Variants in ZNF827 observed in about 807,000 individuals in gnomAD.
ZNF827 encodes zinc finger protein 827.
ZNF827 carries 13 observed loss-of-function variants against 102.4 expected under a neutral mutation model. The observed-to-expected ratio is 0.13, with a 90% confidence interval of 0.08 to 0.20. ZNF827 has a LOEUF of 0.20. ZNF827 is among the 10% of genes least tolerant of loss of function. The pLI is 1.00. For missense variants in ZNF827, 1,103 were observed against 1,344.4 expected, an observed-to-expected ratio of 0.82 and a Z score of 2.81; for synonymous variants, 523 against 536.2, an observed-to-expected ratio of 0.98 and a Z score of 0.34.
chr4:145,921,778 A>G (rs970066570), intron 1 of ZNF827, among the ~76,000 whole-genome samples: 1 of 152,146 alleles, frequency 6.6e-6, no homozygotes. Context: ...AAGACTGGAA[A>G]TCTTAGTCAT....
rs1735177580 is a variant in ZNF827 at position 145,765,669 on chromosome 4, G to A, written c.2930C>T (p.Ser977Leu). ...ATCTGAATCATCTTTGCTGTTGGCT[G>A]AATCACTCAGAGCTGAGAGGGAGGA... ...SSSSLSALSD[S>L]ANSKDDSDGS... The change falls in exon 12 of 15, where the codon TCA becomes TTA. Residue 977 changes from serine to leucine, a missense_variant. This residue lies in a region of ZNF827 where 242 missense variants were observed against 361.9 expected (regional missense o/e 0.67). Coordinates refer to ENST00000508784, the MANE Select transcript of ZNF827 (RefSeq NM_001306215.2). This position sits in a 1 kb window ranked among gnomAD's most constrained non-coding sequence, Gnocchi z 4.7. 4 of 1,614,062 alleles carry A rather than the reference G, an allele frequency of 2.5e-6. No individual in the cohort carries two copies. The highest frequency in any genetic ancestry group is 4.5e-5 in the East Asian group (2 of 44,888).
chr4:145,894,842 A>G (rs2126860043), intron 2 of ZNF827, among the ~76,000 whole-genome samples: 1 of 152,190 alleles, frequency 6.6e-6, no homozygotes, highest in Non-Finnish European at 1.5e-5. Context: ...TCCTATCTGT[A>G]ATTATGTCTC....
At chr4:145,801,272 G>A (rs900005825) in intron 8 of ZNF827, among the ~76,000 whole-genome samples, 3 of 152,076 alleles carry the variant, frequency 2.0e-5, no homozygotes, top group Admixed American at 6.6e-5. Context: ...TTCCAATTCC[G>A]TTAGCAGTTG....
rs1232401748 is a variant in ZNF827, at chr4:145,856,720, CA to C, written c.1982-7160del. 6.6e-4 allele frequency among the ~76,000 whole-genome samples: 91 copies of C among 138,656 alleles called. No homozygotes were observed. In the Middle Eastern group the frequency reaches 0.013, roughly 20 times the overall value. 91.0% of individuals were successfully genotyped at this position (138,656 alleles called of 152,430 possible). ...ACACACACACACACACACACACACACACACCCCATTTCACTCAGAATAGTGC... is the reference window on the plus strand; with the variant it reads ...ACACACACACACACACACACACACACCACCCCATTTCACTCAGAATAGTGC... On this transcript the variant is annotated intron_variant, in intron 5 of 14. Transcript: ENST00000508784.
chr4:145,938,246 C>A, intron 1 of ZNF827, 119 bp downstream of exon 1: 1 of 1,245,122 alleles, frequency 8.0e-7, no homozygotes. Flanking sequence ...GTGTCTTTGT[C>A]AGTTTCACCT....
chr4:145,881,417 C>T (rs909362089), intron 4 of ZNF827, among the ~76,000 whole-genome samples: 3 of 152,168 alleles, frequency 2.0e-5, no homozygotes, highest in African/African-American at 7.2e-5. Flanking sequence ...GTTGAAATGA[C>T]ATATCTTTTA....
intron 7 of ZNF827, among the ~76,000 whole-genome samples, chr4:145,824,564 G>A (rs1743474582): frequency 6.6e-6 from 1 of 152,130 alleles, no homozygotes; most frequent in Admixed American, 6.5e-5. Flanking sequence ...CATGGGAGCC[G>A]AAGCACCAGA....
intron 8 of ZNF827, among the ~76,000 whole-genome samples, chr4:145,781,195 C>CAAAAAAAAAAAAAAAAAAAAGAAAAAA (rs1737946510): frequency 1.8e-5 from 1 of 56,546 alleles, no homozygotes; most frequent in Non-Finnish European, 2.8e-5. Flanking sequence ...GACACCATCT[C>CAAAAAAAAAAAAAAAAAAAAGAAAAAA]AAAAAAAAAA....
At chr4:145,870,141 C>A (rs535246529) in intron 5 of ZNF827, 104 bp downstream of exon 5, 12 of 1,060,490 alleles carry the variant, frequency 1.1e-5, no homozygotes, top group African/African-American at 3.2e-5. Flanking sequence ...AGCAATAATG[C>A]GATATTGCTG....
rs1163004571 is a variant in ZNF827, at chr4:145,758,872, A to T, written c.*2744T>A. 1 of 152,400 alleles carries T rather than the reference A, an allele frequency of 6.6e-6. No homozygotes were observed. Among genetic ancestry groups the T allele is most frequent in the African/African-American group, 2.4e-5 (1 of 41,460 alleles). 9.4% of individuals were successfully genotyped at this position (152,400 alleles called of 1,614,324 possible). ...CAAAGGGAGGTGTAGCACACCTACT[A>T]GGTGTGGGGAAGAGGGGCTGGCGTG... On this transcript the variant is annotated 3_prime_UTR_variant, in exon 15 of 15. Transcript: ENST00000508784.
intron 9 of ZNF827, among the ~76,000 whole-genome samples, chr4:145,776,324 GGTGGCACGTGCCTGTAGTCCC>G (rs1737076301): frequency 6.6e-6 from 1 of 152,004 alleles, no homozygotes; most frequent in South Asian, 2.1e-4. Context: ...AGTCAGGTGT[GGTGGCACGTGCCTGTAGTCCC>G]AGCTACTTGG....
intron 8 of ZNF827, among the ~76,000 whole-genome samples, chr4:145,787,261 G>A (rs953567774): frequency 4.6e-5 from 7 of 151,970 alleles, no homozygotes; most frequent in South Asian, 4.2e-4. Flanking sequence ...TCAGGAGTTC[G>A]AGAACAGCCT....
intron 1 of ZNF827, among the ~76,000 whole-genome samples, chr4:145,909,563 C>T (rs1324132689): frequency 2.0e-5 from 3 of 152,164 alleles, no homozygotes; most frequent in Non-Finnish European, 4.4e-5. Flanking sequence ...GTCATGTTCC[C>T]CTCCATGGGC....
At chr4:145,807,459 T>G (rs1741565209) in intron 8 of ZNF827, among the ~76,000 whole-genome samples, 1 of 152,108 alleles carries the variant, frequency 6.6e-6, no homozygotes, top group Non-Finnish European at 1.5e-5. Context: ...ACTTTCATTT[T>G]TCTTTTTCAT....
At position 145,849,825 on chromosome 4, in the gene ZNF827, C is replaced by T. The variant is rs145271341; in HGVS notation, c.1982-264G>A. The stretch of plus-strand genomic sequence containing the variant: ...GATGGTAGCAGGGCCAGGCCTTGGC[C>T]TGCAAGCTGGAGCCTATGTTTCTTG... On this transcript the variant is annotated intron_variant, in intron 5 of 14. Transcript: ENST00000508784. Among the ~76,000 whole-genome samples the T allele has an allele frequency of 9.0e-4, 137 of 152,294 alleles. 2 individuals are homozygous for T. The East Asian group carries it at 0.024, about 26-fold the overall frequency.
intron 8 of ZNF827, among the ~76,000 whole-genome samples, chr4:145,810,993 CTTT>C (rs34011180): frequency 1.3e-4 from 18 of 137,920 alleles, no homozygotes; most frequent in Middle Eastern, 3.6e-3. Flanking sequence ...ACTCATTTCG[CTTT>C]TTTTTTTTTT....
At chr4:145,829,187 G>C (rs148510867) in intron 7 of ZNF827, among the ~76,000 whole-genome samples, 5 of 152,208 alleles carry the variant, frequency 3.3e-5, no homozygotes, top group Admixed American at 3.3e-4. Context: ...TAACTTTCAA[G>C]ACTAAACTTG....
chr4:145,880,240 A>G (rs1206685233), intron 4 of ZNF827, among the ~76,000 whole-genome samples: 3 of 152,234 alleles, frequency 2.0e-5, no homozygotes, highest in Admixed American at 6.5e-5. Context: ...TCTAAAAAAA[A>G]GAATCTCAGT....
intron 8 of ZNF827, among the ~76,000 whole-genome samples, chr4:145,793,210 T>G (rs1739943326): frequency 6.8e-6 from 1 of 148,102 alleles, no homozygotes; most frequent in Non-Finnish European, 1.5e-5. Flanking sequence ...CACTGCACCC[T>G]TTCTGTATTA....
Sources: gnomAD v4.1 joint callset for allele counts (sites outside exome capture counted in the v4.1 genomes callset) on GRCh38, gnomAD v4.1.1 for gene constraint, gnomAD v4.1.1 regional missense constraint, Gnocchi (gnomAD v3.1) non-coding constraint, MANE v1.5 for transcripts, NCBI Gene and HGNC (gene_info 2026-07-23, HGNC 2026-07-21) for gene names.